The following RNF182 variants were observed in gnomAD, a reference collection of about 807,000 sequenced individuals.
The protein encoded by RNF182 is E3 ubiquitin-protein ligase RNF182.
Under a neutral mutation model 14.4 loss-of-function variants are expected in RNF182, and 15 were observed. The observed-to-expected ratio is 1.04, with a 90% CI of 0.70 to 1.60. The LOEUF (loss-of-function observed/expected upper bound fraction) is 1.60. Among genes scored for constraint, RNF182 ranks in the 40% most tolerant of loss-of-function variants. The probability of loss-of-function intolerance (pLI) is 0.00; values close to 1 mark genes in which losing one functional copy is unlikely to be tolerated. For synonymous variants in RNF182, 128 were observed against 122.9 expected (o/e 1.04, Z -0.27); for missense variants, 268 against 294.8 (o/e 0.91, Z 0.67).
chr6:13,924,447 T>C (rs1390495792), upstream of RNF182: 3 of 152,516 alleles, frequency 2.0e-5, no homozygotes, highest in East Asian at 3.9e-4. Flanking sequence ...GGCAGCTCCG[T>C]GCATGCTGCG....
intron 2 of RNF182, 60 bp from the exon 3 acceptor site, chr6:13,976,849 T>C (rs1161290170): frequency 2.6e-6 from 1 of 387,100 alleles, no homozygotes; most frequent in African/African-American, 2.0e-5. Context: ...TAAAGCACTT[T>C]TCAGAAACAC....
intron 1 of RNF182, among the ~76,000 whole-genome samples, chr6:13,970,376 T>G (rs1056656307): frequency 6.6e-6 from 1 of 152,228 alleles, no homozygotes; most frequent in East Asian, 1.9e-4. Flanking sequence ...TGTGCCTGGC[T>G]TATTGCACTT....
At chr6:13,932,621 C>A (rs1759001622) in intron 1 of RNF182, among the ~76,000 whole-genome samples, 1 of 152,092 alleles carries the variant, frequency 6.6e-6, no homozygotes, top group African/African-American at 2.4e-5. Context: ...TTGTCACTTA[C>A]AAAATTAATA....
At chr6:13,934,371 T>C (rs768236211) in intron 1 of RNF182, among the ~76,000 whole-genome samples, 1 of 152,216 alleles carries the variant, frequency 6.6e-6, no homozygotes, top group Non-Finnish European at 1.5e-5. Flanking sequence ...AGATATCTCC[T>C]TTCATTCTGT....
rs2113635546 is a variant in RNF182 at position 13,964,881 on chromosome 6, C to T, written c.-366-9329C>T. On this transcript the variant is annotated intron_variant, in intron 1 of 2. Transcript: ENST00000488300. ...TTGGAGCAGGAGACCTTGGAAGGGTCCTGGCAGCCCACCTGCTGTCACACT... is the reference window on the plus strand; with the variant it reads ...TTGGAGCAGGAGACCTTGGAAGGGTTCTGGCAGCCCACCTGCTGTCACACT... 2.0e-5 allele frequency among the ~76,000 whole-genome samples: 3 copies of T among 152,282 alleles called. No homozygotes were observed. In the Middle Eastern group the frequency reaches 0.01, roughly 518 times the overall value.
At chr6:13,962,838 G>A (rs184975172) in intron 1 of RNF182, among the ~76,000 whole-genome samples, 2 of 152,310 alleles carry the variant, frequency 1.3e-5, no homozygotes, top group East Asian at 3.9e-4. Context: ...CAGGCTACAT[G>A]AAACTGTATA....
At chr6:13,941,071 A>G (rs1251116226) in intron 1 of RNF182, among the ~76,000 whole-genome samples, 1 of 152,036 alleles carries the variant, frequency 6.6e-6, no homozygotes, top group Non-Finnish European at 1.5e-5. Context: ...TTTGGTGCAC[A>G]TAGATTGGGT....
intron 1 of RNF182, among the ~76,000 whole-genome samples, chr6:13,951,143 A>G (rs1759580739): frequency 6.6e-6 from 1 of 152,190 alleles, no homozygotes; most frequent in Non-Finnish European, 1.5e-5. Context: ...TCATATGTAA[A>G]CATCACACAC....
Position 13,928,397 on chromosome 6 carries a change from G to A in RNF182, c.-367+3374G>A, listed in dbSNP as rs1008214850. Among the ~76,000 whole-genome samples, 4 of 152,110 alleles carry A rather than the reference G, an allele frequency of 2.6e-5. No homozygotes were observed. The South Asian group carries it at 8.3e-4, about 31-fold the overall frequency. On this transcript the variant is annotated intron_variant, in intron 1 of 2. Transcript: ENST00000488300. ...ACCTCTTATAGTTGGGGACTTACTT[G>A]TTTCTCAGCTATTAGGATTATTTAT...
Position 13,977,982 on chromosome 6 carries a change from C to T in RNF182, c.*119C>T. ...TTAGTATCCATGACATTAACAAAAC[C>T]CTTGGCCACATGTTGACTTGATTGG... On this transcript the variant is annotated 3_prime_UTR_variant, in exon 3 of 3. Coordinates refer to ENST00000488300, the MANE Select transcript of RNF182 (RefSeq NM_152737.4). The T allele has an allele frequency of 8.7e-7, 1 of 1,143,514 alleles. No individual in the cohort carries two copies. Among genetic ancestry groups the T allele is most frequent in the South Asian group, 1.8e-5 (1 of 55,446 alleles). 70.8% of individuals were successfully genotyped at this position (1,143,514 alleles called of 1,614,324 possible).
Position 13,977,368 on chromosome 6 carries a change from T to C in RNF182, c.249T>C (p.Asp83=). Residue 83 remains aspartate (D), a synonymous_variant, in exon 3 of 3, where the codon GAT becomes GAC. Transcript: ENST00000488300. ...ATGATGAAGTTAGTAGCCTGCCCGA[T>C]GACAACAACATCCTTGTAAACTTGA... ...LPDDEVSSLP[D]DNNILVNLTC... The C allele has an allele frequency of 6.2e-7, 1 of 1,614,186 alleles. No individual in the cohort carries two copies. Among genetic ancestry groups the C allele is most frequent in the South Asian group, 1.1e-5 (1 of 91,084 alleles).
chr6:13,957,899 A>G (rs1263236752), intron 1 of RNF182, among the ~76,000 whole-genome samples: 4 of 152,232 alleles, frequency 2.6e-5, no homozygotes, highest in Admixed American at 1.3e-4. Flanking sequence ...TCTGAATTGT[A>G]TTAATAGATA....
chr6:13,943,590 C>T (rs1212294136), intron 1 of RNF182, among the ~76,000 whole-genome samples: 1 of 152,126 alleles, frequency 6.6e-6, no homozygotes, highest in Non-Finnish European at 1.5e-5. Flanking sequence ...GCCTGTCCCC[C>T]TCTGTGAATT....
At chr6:13,942,522 A>G (rs1440319459) in intron 1 of RNF182, among the ~76,000 whole-genome samples, 2 of 151,884 alleles carry the variant, frequency 1.3e-5, no homozygotes, top group East Asian at 1.9e-4. Context: ...TTGTGTTTTC[A>G]GTAGAGATAA....
intron 1 of RNF182, among the ~76,000 whole-genome samples, chr6:13,948,063 AAAAAC>A (rs1358146422): frequency 6.6e-6 from 1 of 152,226 alleles, no homozygotes; most frequent in African/African-American, 2.4e-5. Context: ...CTTGACTCTG[AAAAAC>A]AAAACAAAGG....
At chr6:13,938,011 T>G (rs1427774249) in intron 1 of RNF182, among the ~76,000 whole-genome samples, 1 of 138,730 alleles carries the variant, frequency 7.2e-6, no homozygotes, top group African/African-American at 2.6e-5. Flanking sequence ...ACTGTTTTTT[T>G]TTTTTTTTTT....
chr6:13,979,188 T>TAGGGA lies in RNF182; in HGVS notation c.*1325_*1326insAGGGA, dbSNP rs1332653776. ...AGGTGATTTGAGTTAATGAACTTCTTTTCATGATGTAGGGAAAGTTGAATG... is the reference window on the plus strand; with the variant it reads ...AGGTGATTTGAGTTAATGAACTTCTTAGGGATTCATGATGTAGGGAAAGTTGAATG... On this transcript the variant is annotated 3_prime_UTR_variant, in exon 3 of 3. Transcript: ENST00000488300. 25 of 167,052 alleles carry TAGGGA rather than the reference T, an allele frequency of 1.5e-4. No individual in the cohort carries two copies. Among genetic ancestry groups the TAGGGA allele is most frequent in the Admixed American group, 1.3e-3 (20 of 15,278 alleles). The allele number at this position is 167,052 out of a possible 1,614,324, so 10.3% of individuals were successfully genotyped here.
At chr6:13,962,054 C>T (rs1759897773) in intron 1 of RNF182, among the ~76,000 whole-genome samples, 1 of 152,126 alleles carries the variant, frequency 6.6e-6, no homozygotes, top group East Asian at 1.9e-4. Context: ...AATTCTGAGA[C>T]CATCGTCTCT....
At chr6:13,960,881 G>C (rs1759863717) in intron 1 of RNF182, among the ~76,000 whole-genome samples, 1 of 152,100 alleles carries the variant, frequency 6.6e-6, no homozygotes, top group East Asian at 1.9e-4. Context: ...AATTATGAAG[G>C]AAGAAATTAA....
Sources: gnomAD v4.1 joint callset for allele counts (sites outside exome capture counted in the v4.1 genomes callset) on GRCh38, gnomAD v4.1.1 for gene constraint, MANE v1.5 for transcripts, NCBI Gene and HGNC (gene_info 2026-07-23, HGNC 2026-07-21) for gene names.